Variants in POSTN observed in about 807,000 individuals in gnomAD.
POSTN encodes periostin, also known as osteoblast specific factor 2 (fasciclin I-like).
POSTN carries 71 observed loss-of-function variants against 104.5 expected under a neutral mutation model. That is an observed-to-expected ratio of 0.68 (90% confidence interval 0.56 to 0.83). The LOEUF (loss-of-function observed/expected upper bound fraction) is 0.83, where lower values mean the gene tolerates loss of function less well. Ranked by LOEUF, POSTN falls within the 40% of genes least tolerant of loss-of-function variation. POSTN has a pLI of 0.00. For synonymous variants in POSTN, 355 were observed against 340.7 expected, an observed-to-expected ratio of 1.04 and a Z score of -0.46; for missense variants, 949 against 1,006.8, an observed-to-expected ratio of 0.94 and a Z score of 0.78.
Position 37,586,944 on chromosome 13 carries a change from A to G in POSTN, c.607-16T>C. The stretch of plus-strand genomic sequence containing the variant: ...CAGTGACAACCTATAATTATTTGGA[A>G]AAATCAAAGTGCTGAAACCAGAGAT... On this transcript the variant is annotated splice_polypyrimidine_tract_variant and intron_variant, in intron 5 of 22. Coordinates refer to ENST00000379747, the MANE Select transcript of POSTN (RefSeq NM_006475.3). 2 of 1,611,556 alleles carry G rather than the reference A, an allele frequency of 1.2e-6. No individual in the cohort carries two copies. The highest frequency in any genetic ancestry group is 1.7e-6 in the Non-Finnish European group (2 of 1,178,910).
At chr13:37,568,575 A>T (rs1277294500) in intron 21 of POSTN, 37 of 152,148 alleles carry the variant, frequency 2.4e-4, no homozygotes, top group African/African-American at 8.2e-4. Flanking sequence ...TCCTTGTTAA[A>T]AAATGAAGTA....
Position 37,578,889 on chromosome 13 carries a change from T to A in POSTN, c.1917A>T (p.Gln639His). 1 of 1,596,160 alleles carries A rather than the reference T, an allele frequency of 6.3e-7. No individual in the cohort carries two copies. The highest frequency in any genetic ancestry group is 1.2e-5 in the South Asian group (1 of 86,076). ...YPADTPVGND[Q>H]LLEILNKLIK... is the part of the protein sequence containing the mutation. ...TTAATTTATTAAGTATTTCCAGCAG[T>A]TGATCATTTCCAACAGGTGTGTCTA... The change falls in exon 15 of 23, where the codon CAA becomes CAT. Residue 639 changes from glutamine (Q) to histidine (H), a missense_variant. By Grantham distance (24) the Gln-to-His change is conservative. Coordinates refer to ENST00000379747, the MANE Select transcript of POSTN (RefSeq NM_006475.3).
At chr13:37,594,064 T>C (rs1217118410) in intron 2 of POSTN, among the ~76,000 whole-genome samples, 2 of 152,054 alleles carry the variant, frequency 1.3e-5, no homozygotes, top group African/African-American at 2.4e-5. Flanking sequence ...AAAAGGTATA[T>C]AGGAGCCTTA....
chr13:37,580,512 A>T (rs1256391369), intron 11 of POSTN, 49 bp downstream of exon 11: 1 of 1,607,920 alleles, frequency 6.2e-7, no homozygotes, highest in Non-Finnish European at 8.5e-7. Context: ...TGAAACAAAA[A>T]TATGCCAATA....
intron 9 of POSTN, among the ~76,000 whole-genome samples, chr13:37,583,040 T>G (rs1230710113): frequency 6.6e-6 from 1 of 152,182 alleles, no homozygotes; most frequent in Admixed American, 6.5e-5. Context: ...ATATCACAAT[T>G]TAGCATTTGG....
At chr13:37,589,307 T>C (rs995916628) in intron 4 of POSTN, among the ~76,000 whole-genome samples, 5 of 152,178 alleles carry the variant, frequency 3.3e-5, no homozygotes, top group African/African-American at 1.2e-4. Flanking sequence ...AGTCAAGTGC[T>C]GGAAGAAATT....
intron 21 of POSTN, 34 bp from the exon 22 acceptor site, chr13:37,564,594 G>A (rs767251788): frequency 6.9e-6 from 9 of 1,306,698 alleles, no homozygotes; most frequent in African/African-American, 2.9e-5. Flanking sequence ...GAAATACTTC[G>A]CAATTATGGC....
At chr13:37,596,585 T>A (rs1426528958) in intron 2 of POSTN, among the ~76,000 whole-genome samples, 2 of 152,224 alleles carry the variant, frequency 1.3e-5, no homozygotes, top group Non-Finnish European at 2.9e-5. Context: ...ACTATAATGA[T>A]GAGCTTCCGT....
At chr13:37,578,961 A>C (rs952304831) in intron 14 of POSTN, 50 bp from the exon 15 acceptor site, 2 of 1,595,736 alleles carry the variant, frequency 1.3e-6, no homozygotes, top group Non-Finnish European at 1.7e-6. Flanking sequence ...ATAAAATAAA[A>C]ATCGAGGTTC....
At position 37,577,742 on chromosome 13, in the gene POSTN, T is replaced by C; in HGVS notation, c.2008+11A>G. The C allele has an allele frequency of 6.2e-7, 1 of 1,612,200 alleles. No individual in the cohort carries two copies. Among genetic ancestry groups the C allele is most frequent in the Non-Finnish European group, 8.5e-7 (1 of 1,178,956 alleles). On this transcript the variant is annotated intron_variant, in intron 16 of 22. Coordinates refer to ENST00000379747, the MANE Select transcript of POSTN (RefSeq NM_006475.3). Reference sequence around the variant, plus strand: ...TGCCACCCAGGTGGCCAATATTTATTATATACTTACTATAGACAGTCACGG... The same window carrying C: ...TGCCACCCAGGTGGCCAATATTTATCATATACTTACTATAGACAGTCACGG...
chr13:37,598,740 G>T lies in POSTN; in HGVS notation c.-14C>A, dbSNP rs529347707. ...AAAGGGAATCATCTTGAGTCTCTCC[G>T]TTGCAGTTAGTCCCCGAAGAGAACT... On this transcript the variant is annotated 5_prime_UTR_variant, in exon 1 of 23. Transcript: ENST00000379747. The T allele has an allele frequency of 1.2e-6, 2 of 1,611,112 alleles. No homozygotes were observed. Among genetic ancestry groups the T allele is most frequent in the African/African-American group, 2.7e-5 (2 of 74,844 alleles).
chr13:37,574,438 T>C (rs947521933), intron 17 of POSTN, 134 bp downstream of exon 17: 2 of 1,229,706 alleles, frequency 1.6e-6, no homozygotes, highest in African/African-American at 3.2e-5. Context: ...TACATGAGCA[T>C]GCCATTGGTA....
At chr13:37,583,519 G>C (rs868474368) in intron 9 of POSTN, among the ~76,000 whole-genome samples, 2 of 150,766 alleles carry the variant, frequency 1.3e-5, no homozygotes, top group Non-Finnish European at 2.9e-5. Flanking sequence ...TGCTTCCTGG[G>C]TTCAGTTCAA....
At chr13:37,576,417 C>T (rs1950410341) in intron 16 of POSTN, among the ~76,000 whole-genome samples, 1 of 151,996 alleles carries the variant, frequency 6.6e-6, no homozygotes, top group African/African-American at 2.4e-5. Flanking sequence ...TAGGGAAGGA[C>T]CATTGAACAT....
In POSTN at chr13:37,579,960, A is replaced by G. The variant is rs1420930037; in HGVS notation, c.1561T>C (p.Leu521=). ...CCAGGTTGTGTCAGGAGCTCTTTCA[A>G]GTCTGCAGCTTCAAGTAGGCTGAGG... ...TFLSLLEAAD[L]KELLTQPGDW... is the part of the protein sequence containing the mutation. Residue 521 remains leucine (L), a synonymous_variant, in exon 12 of 23, where the codon TTG becomes CTG. Transcript: ENST00000379747. 6.2e-7 allele frequency: 1 copy of G among 1,613,648 alleles called. No homozygotes were observed. The highest frequency in any genetic ancestry group is 1.7e-5 in the Admixed American group (1 of 60,008).
intron 2 of POSTN, among the ~76,000 whole-genome samples, chr13:37,593,490 G>A (rs1473708507): frequency 6.6e-6 from 1 of 151,194 alleles, no homozygotes; most frequent in Non-Finnish European, 1.5e-5. Flanking sequence ...ATTATTACAA[G>A]TAAAAAATAA....
chr13:37,588,392 C>G (rs1401456478), intron 4 of POSTN, among the ~76,000 whole-genome samples: 2 of 152,086 alleles, frequency 1.3e-5, no homozygotes, highest in Non-Finnish European at 1.5e-5. Flanking sequence ...CATGTTTATT[C>G]CATAACAAAT....
chr13:37,571,485 T>A, intron 17 of POSTN, 27 bp from the exon 18 acceptor site: 1 of 1,507,266 alleles, frequency 6.6e-7, no homozygotes, highest in South Asian at 1.1e-5. Context: ...GGAGACAAAT[T>A]ATCATGTTAA....
At chr13:37,578,082 A>G (rs1950467073) in intron 15 of POSTN, among the ~76,000 whole-genome samples, 1 of 152,184 alleles carries the variant, frequency 6.6e-6, no homozygotes, top group African/African-American at 2.4e-5. Flanking sequence ...CTTTTACCCT[A>G]CATTGAAAAA....
Sources: gnomAD v4.1 joint callset for allele counts (sites outside exome capture counted in the v4.1 genomes callset) on GRCh38, gnomAD v4.1.1 for gene constraint, MANE v1.5 for transcripts, NCBI Gene and HGNC (gene_info 2026-07-23, HGNC 2026-07-21) for gene names.